DUSP28: variants seen among roughly 807,000 people sequenced by gnomAD.
DUSP28 encodes the protein dual specificity phosphatase 28.
Under a neutral mutation model 8.4 loss-of-function variants are expected in DUSP28, and 11 were observed. That is an observed-to-expected ratio of 1.31 (90% CI 0.83 to 2.17). DUSP28 has a LOEUF of 2.17. DUSP28 is among the 30% of genes most tolerant of loss of function. The pLI, the probability that DUSP28 is intolerant of heterozygous loss-of-function variation, is 0.00. For missense variants in DUSP28, 373 were observed against 270.4 expected, an observed-to-expected ratio of 1.38 and a Z score of -2.66; for synonymous variants, 178 against 130.9, an observed-to-expected ratio of 1.36 and a Z score of -2.46.
In DUSP28 at chr2:240,561,564, T is replaced by G. The variant is rs989440146; in HGVS notation, c.*97T>G. 46 of 1,429,238 alleles carry G rather than the reference T, an allele frequency of 3.2e-5. No homozygotes were observed. The highest frequency in any genetic ancestry group is 8.0e-5 in the Admixed American group (3 of 37,270). The allele number at this position is 1,429,238 out of a possible 1,614,324, so 88.5% of individuals were successfully genotyped here. On this transcript the variant is annotated 3_prime_UTR_variant, in exon 2 of 2. Coordinates refer to ENST00000405954, the MANE Select transcript of DUSP28 (RefSeq NM_001370465.2). Reference sequence around the variant, plus strand: ...CCTCACTGTCATATCGAGTTTTCCTTTGTGTGTGTGTGTGTGAAACATAGT... The same window carrying G: ...CCTCACTGTCATATCGAGTTTTCCTGTGTGTGTGTGTGTGTGAAACATAGT...
In DUSP28 at chr2:240,560,429, C is replaced by G. The variant is rs1183579804; in HGVS notation, c.-256C>G. 1 of 394,432 alleles carries G rather than the reference C, an allele frequency of 2.5e-6. No homozygotes were observed. The highest frequency in any genetic ancestry group is 2.1e-5 in the African/African-American group (1 of 47,874). 24.4% of individuals were successfully genotyped at this position (394,432 alleles called of 1,614,324 possible). On this transcript the variant is annotated 5_prime_UTR_variant, in exon 1 of 2. Transcript: ENST00000405954. ...GCCCGGGGACAGAGAACATGGGACG[C>G]AGAGCGGTCCAAGGCCCCGGCGCCC... is the stretch of plus-strand genomic sequence containing the variant.
chr2:240,560,800 A>G lies in DUSP28; in HGVS notation c.116A>G (p.Gln39Arg). ...GSARAAGAEEQLARAGVTLCV... is the reference protein window; with the variant it reads ...GSARAAGAEERLARAGVTLCV... ...GCGCGAGCCGCGGGCGCGGAGGAGC[A>G]GCTGGCGCGCGCGGGAGTCACGCTG... Residue 39 changes from glutamine (Q) to arginine (R), a missense_variant, in exon 1 of 2, where the codon CAG (glutamine) becomes CGG (arginine). Coordinates refer to ENST00000405954, the MANE Select transcript of DUSP28 (RefSeq NM_001370465.2). The G allele has an allele frequency of 6.9e-7, 1 of 1,445,936 alleles. No homozygotes were observed. Among genetic ancestry groups the G allele is most frequent in the African/African-American group, 1.5e-5 (1 of 67,698 alleles). The allele number at this position is 1,445,936 out of a possible 1,614,324, so 89.6% of individuals were successfully genotyped here.
At position 240,563,930 on chromosome 2, in the gene DUSP28, T is replaced by G. The variant is rs566708741; in HGVS notation, c.*2463T>G. The G allele has an allele frequency of 6.6e-6, 1 of 152,476 alleles. No homozygotes were observed. Among genetic ancestry groups the G allele is most frequent in the African/African-American group, 2.4e-5 (1 of 41,586 alleles). The allele number at this position is 152,476 out of a possible 1,614,324, so 9.4% of individuals were successfully genotyped here. On this transcript the variant is annotated 3_prime_UTR_variant, in exon 2 of 2. Transcript: ENST00000405954. ...TCTTTAATGCCTGAAATCATAAGAA[T>G]AATCATCAAAGGCAAGAGGGTTGTA... is the stretch of plus-strand genomic sequence containing the variant.
At position 240,563,949 on chromosome 2, in the gene DUSP28, G is replaced by A. The variant is rs73108005; in HGVS notation, c.*2482G>A. On this transcript the variant is annotated 3_prime_UTR_variant, in exon 2 of 2. Transcript: ENST00000405954. ...TAAGAATAATCATCAAAGGCAAGAG[G>A]GTTGTATATTTTCCCGTTGGAGACA... The A allele has an allele frequency of 0.072, 10,998 of 152,400 alleles. 440 individuals are homozygous for A. The highest frequency in any genetic ancestry group is 0.21 in the Middle Eastern group (62 of 294). 9.4% of individuals were successfully genotyped at this position (152,400 alleles called of 1,614,324 possible).
At chr2:240,561,218 G>A (rs1211619579) in intron 1 of DUSP28, 112 bp from the exon 2 acceptor site, 2 of 1,573,734 alleles carry the variant, frequency 1.3e-6, no homozygotes, top group Admixed American at 1.9e-5. Flanking sequence ...GCTTAGGGAA[G>A]CAGAGAGGCA....
At chr2:240,561,140 C>A in intron 1 of DUSP28, 63 bp downstream of exon 1, 2 of 1,452,812 alleles carry the variant, frequency 1.4e-6, no homozygotes, top group South Asian at 1.4e-5. Context: ...ACGAGTTTTC[C>A]GGGCGGGGCC....
chr2:240,560,106 G>A (rs1168708857), upstream of DUSP28: 1 of 152,414 alleles, frequency 6.6e-6, no homozygotes, highest in African/African-American at 2.4e-5. Flanking sequence ...TATGAGCCAT[G>A]TGTTATAATA....
Position 240,561,749 on chromosome 2 carries a change from G to A in DUSP28, c.*282G>A. On this transcript the variant is annotated 3_prime_UTR_variant, in exon 2 of 2. Transcript: ENST00000405954. Reference sequence around the variant, plus strand: ...ATCTTGAGTGTTTGGGGGTGCCGGCGCATTCTACCAGTCTCAGGGAAGGAC... The same window carrying A: ...ATCTTGAGTGTTTGGGGGTGCCGGCACATTCTACCAGTCTCAGGGAAGGAC... The A allele has an allele frequency of 2.6e-6, 1 of 391,230 alleles. No individual in the cohort carries two copies. Among genetic ancestry groups the A allele is most frequent in the East Asian group, 5.3e-5 (1 of 18,920 alleles). The allele number at this position is 391,230 out of a possible 1,614,324, so 24.2% of individuals were successfully genotyped here. A position where few individuals can be genotyped will look rare whatever the true frequency, so the allele number is the denominator to read the frequency against.
At position 240,564,344 on chromosome 2, in the gene DUSP28, G is replaced by C. The variant is rs148125173; in HGVS notation, c.*2877G>C. Among the ~76,000 whole-genome samples the C allele has an allele frequency of 4.6e-5, 7 of 152,164 alleles. No homozygotes were observed. The highest frequency in any genetic ancestry group is 1.3e-4 in the Admixed American group (2 of 15,280). ...TCCATGGTCCCACGGCACCACGGCCGCCCAGTGCACTCGCCTCCACACTGA... is the reference window on the plus strand; with the variant it reads ...TCCATGGTCCCACGGCACCACGGCCCCCCAGTGCACTCGCCTCCACACTGA... On this transcript the variant is annotated 3_prime_UTR_variant, in exon 2 of 2. Coordinates refer to ENST00000405954, the MANE Select transcript of DUSP28 (RefSeq NM_001370465.2).
Position 240,563,110 on chromosome 2 carries a change from C to T in DUSP28, c.*1643C>T, listed in dbSNP as rs968980914. Reference sequence around the variant, plus strand: ...AGGGAGACCCGCCCATTGTCACTTTCTTAATCTCTGATCTCTTGAGGTGAT... The same window carrying T: ...AGGGAGACCCGCCCATTGTCACTTTTTTAATCTCTGATCTCTTGAGGTGAT... On this transcript the variant is annotated 3_prime_UTR_variant, in exon 2 of 2. Coordinates refer to ENST00000405954, the MANE Select transcript of DUSP28 (RefSeq NM_001370465.2). 1 of 152,316 alleles carries T rather than the reference C, an allele frequency of 6.6e-6. No individual in the cohort carries two copies. The highest frequency in any genetic ancestry group is 1.5e-5 in the Non-Finnish European group (1 of 68,100). The allele number at this position is 152,316 out of a possible 1,614,324, so 9.4% of individuals were successfully genotyped here.
In DUSP28 at chr2:240,560,778, C is replaced by A. The variant is rs752233645; in HGVS notation, c.94C>A (p.Arg32=). 2.1e-6 allele frequency: 3 copies of A among 1,454,322 alleles called. No individual in the cohort carries two copies. The highest frequency in any genetic ancestry group is 2.7e-5 in the Admixed American group (1 of 36,796). 90.1% of individuals were successfully genotyped at this position (1,454,322 alleles called of 1,614,324 possible). A position where few individuals can be genotyped will look rare whatever the true frequency, so the allele number is the denominator to read the frequency against. The change falls in exon 1 of 2, where the codon CGA becomes AGA. Residue 32 remains arginine, a synonymous_variant. Transcript: ENST00000405954. The part of the protein sequence containing the change: ...VAPSLFLGSA[R]AAGAEEQLAR... ...GCCCTCACTCTTCCTCGGGAGCGCG[C>A]GAGCCGCGGGCGCGGAGGAGCAGCT...
Position 240,564,498 on chromosome 2 carries a change from G to A in DUSP28, c.*3031G>A, listed in dbSNP as rs567785649. 5.3e-5 allele frequency among the ~76,000 whole-genome samples: 8 copies of A among 152,356 alleles called. No homozygotes were observed. Among genetic ancestry groups the A allele is most frequent in the African/African-American group, 1.4e-4 (6 of 41,592 alleles). On this transcript the variant is annotated 3_prime_UTR_variant, in exon 2 of 2. Coordinates refer to ENST00000405954, the MANE Select transcript of DUSP28 (RefSeq NM_001370465.2). ...GGACCCCTGCACCACCATCTGCTCCGTCCTCTCCCTCTGGTCAGCTCAGCT... is the reference window on the plus strand; with the variant it reads ...GGACCCCTGCACCACCATCTGCTCCATCCTCTCCCTCTGGTCAGCTCAGCT...
At position 240,560,645 on chromosome 2, in the gene DUSP28, A is replaced by G; in HGVS notation, c.-40A>G. ...GGGCGGGCGCCTGAGCCCCCAAAATAGATCCTCAGGGCCCAAAAGCAGACT... is the reference window on the plus strand; with the variant it reads ...GGGCGGGCGCCTGAGCCCCCAAAATGGATCCTCAGGGCCCAAAAGCAGACT... On this transcript the variant is annotated 5_prime_UTR_variant, in exon 1 of 2. In the 5' UTR this introduces an upstream ATG that the reference lacks. Coordinates refer to ENST00000405954, the MANE Select transcript of DUSP28 (RefSeq NM_001370465.2). 1.4e-6 allele frequency: 2 copies of G among 1,460,804 alleles called. No individual in the cohort carries two copies. The highest frequency in any genetic ancestry group is 1.8e-6 in the Non-Finnish European group (2 of 1,118,428). 90.5% of individuals were successfully genotyped at this position (1,460,804 alleles called of 1,614,324 possible). A position where few individuals can be genotyped will look rare whatever the true frequency, so the allele number is the denominator to read the frequency against.
rs1346989513 is a variant in DUSP28 at position 240,560,381 on chromosome 2, G to C, written c.-304G>C. The C allele has an allele frequency of 7.4e-6, 2 of 271,368 alleles. No homozygotes were observed. Among genetic ancestry groups the C allele is most frequent in the Non-Finnish European group, 1.4e-5 (2 of 147,026 alleles). 16.8% of individuals were successfully genotyped at this position (271,368 alleles called of 1,614,324 possible). ...CACAGACGCAAGCCCAGTGCCACAGGCCGCGGGGGCGGGGAGGACGGCGCC... is the reference window on the plus strand; with the variant it reads ...CACAGACGCAAGCCCAGTGCCACAGCCCGCGGGGGCGGGGAGGACGGCGCC... On this transcript the variant is annotated 5_prime_UTR_variant, in exon 1 of 2. Coordinates refer to ENST00000405954, the MANE Select transcript of DUSP28 (RefSeq NM_001370465.2).
Position 240,565,045 on chromosome 2 carries a change from C to T in DUSP28, c.*3578C>T, listed in dbSNP as rs1286293619. 6.6e-6 allele frequency among the ~76,000 whole-genome samples: 1 copy of T among 152,222 alleles called. No homozygotes were observed. Among genetic ancestry groups the T allele is most frequent in the African/African-American group, 2.4e-5 (1 of 41,460 alleles). On this transcript the variant is annotated 3_prime_UTR_variant, in exon 2 of 2. Coordinates refer to ENST00000405954, the MANE Select transcript of DUSP28 (RefSeq NM_001370465.2). ...CTGGAGGCATCCAAGCATGTTGATT[C>T]CTTCTCTAGTTCAGACACCACCTCT...
chr2:240,561,576 G>A lies in DUSP28; in HGVS notation c.*109G>A, dbSNP rs777099336. On this transcript the variant is annotated 3_prime_UTR_variant, in exon 2 of 2. Coordinates refer to ENST00000405954, the MANE Select transcript of DUSP28 (RefSeq NM_001370465.2). ...ATCGAGTTTTCCTTTGTGTGTGTGT[G>A]TGTGAAACATAGTGCTTTTAATTTT... 7.3e-7 allele frequency: 1 copy of A among 1,365,720 alleles called. No individual in the cohort carries two copies. Among genetic ancestry groups the A allele is most frequent in the East Asian group, 2.6e-5 (1 of 38,744 alleles). 84.6% of individuals were successfully genotyped at this position (1,365,720 alleles called of 1,614,324 possible). A position where few individuals can be genotyped will look rare whatever the true frequency, so the allele number is the denominator to read the frequency against.
At chr2:240,560,350 A>G (rs371315015), upstream of DUSP28, 96 of 214,506 alleles carry the variant, frequency 4.5e-4, no homozygotes, top group South Asian at 0.015. Context: ...CGCTGCGCCC[A>G]AGAGCCACAG....
Position 240,560,959 on chromosome 2 carries a change from C to T in DUSP28, c.275C>T (p.Ala92Val). Residue 92 changes from alanine to valine, a missense_variant, in exon 1 of 2, where the codon GCG (alanine) becomes GTG (valine). Physicochemically the swap from Ala to Val is moderately conservative, Grantham distance 64 (BLOSUM62 0). Transcript: ENST00000405954. Reference protein sequence around the residue: ...LEPTCAAMEAAVRAGGACLVY... With the variant: ...LEPTCAAMEAVVRAGGACLVY... ...CCCACGTGCGCCGCCATGGAGGCCG[C>T]GGTGCGCGCCGGCGGCGCCTGCCTA... 1 of 1,516,320 alleles carries T rather than the reference C, an allele frequency of 6.6e-7. No individual in the cohort carries two copies. 93.9% of individuals were successfully genotyped at this position (1,516,320 alleles called of 1,614,324 possible). A position where few individuals can be genotyped will look rare whatever the true frequency, so the allele number is the denominator to read the frequency against.
At position 240,564,008 on chromosome 2, in the gene DUSP28, GA is replaced by G. The variant is rs1257194373; in HGVS notation, c.*2544del. ...ATTTGCTGCAATAAAATAATAATAA[GA>G]AAGCATTGGCAGCTTTGGTAAACTG... On this transcript the variant is annotated 3_prime_UTR_variant, in exon 2 of 2. Coordinates refer to ENST00000405954, the MANE Select transcript of DUSP28 (RefSeq NM_001370465.2). The G allele has an allele frequency of 6.6e-6, 1 of 152,334 alleles. No individual in the cohort carries two copies. Among genetic ancestry groups the G allele is most frequent in the African/African-American group, 2.4e-5 (1 of 41,452 alleles). 9.4% of individuals were successfully genotyped at this position (152,334 alleles called of 1,614,324 possible). A position where few individuals can be genotyped will look rare whatever the true frequency, so the allele number is the denominator to read the frequency against.
Sources: allele counts gnomAD v4.1 joint callset (sites outside exome capture counted in the v4.1 genomes callset), GRCh38; gene constraint gnomAD v4.1.1; transcripts MANE v1.5; gene names NCBI Gene and HGNC (gene_info 2026-07-23, HGNC 2026-07-21).